Variants in DST observed in about 807,000 individuals in gnomAD.
The protein encoded by DST is bullous pemphigoid antigen.
DST carries 253 observed loss-of-function variants against 875.2 expected under a neutral mutation model. That is an observed-to-expected ratio of 0.29 (90% CI 0.26 to 0.32). DST has a LOEUF of 0.32. DST is among the 10% of genes least tolerant of loss of function. The pLI, the probability that DST is intolerant of heterozygous loss-of-function variation, is 1.00. For missense variants in DST, 8,287 were observed against 9,111.6 expected (o/e 0.91, Z 3.68); for synonymous variants, 3,124 against 3,197.1 (o/e 0.98, Z 0.77).
chr6:56,517,328 CA>C (rs758139511), intron 70 of DST, 23 bp from the exon 71 acceptor site: 11 of 1,599,386 alleles, frequency 6.9e-6, no homozygotes, highest in Admixed American at 6.8e-5. Flanking sequence ...AAAATAAAGA[CA>C]AAAAATAAAA....
In DST at chr6:56,634,279, C is replaced by T. The variant is rs774151131; in HGVS notation, c.3495-21G>A. 2.8e-5 allele frequency: 45 copies of T among 1,613,526 alleles called. No homozygotes were observed. In the Admixed American group the frequency reaches 7.5e-4, roughly 27 times the overall value. Reference sequence around the variant, plus strand: ...CAATTCTGAAATACATGAAAGAGAACTCAGATTAATGTTTTTACTCCCTCT... The same window carrying T: ...CAATTCTGAAATACATGAAAGAGAATTCAGATTAATGTTTTTACTCCCTCT... On this transcript the variant is annotated intron_variant, in intron 26 of 103. Transcript: ENST00000680361.
At chr6:56,602,517 C>G (rs2098455435) in intron 43 of DST, among the ~76,000 whole-genome samples, 1 of 151,972 alleles carries the variant, frequency 6.6e-6, no homozygotes. Flanking sequence ...CAGAATGTAA[C>G]TCCATCATTA....
chr6:56,899,556 T>C (rs1793038975), intron 3 of DST, among the ~76,000 whole-genome samples: 2 of 152,224 alleles, frequency 1.3e-5, no homozygotes, highest in African/African-American at 4.8e-5. Context: ...CAAATCTTGA[T>C]GGCTCCCCTA....
At chr6:56,765,472 C>T (rs1339808467) in intron 4 of DST, among the ~76,000 whole-genome samples, 1 of 152,166 alleles carries the variant, frequency 6.6e-6, no homozygotes, top group African/African-American at 2.4e-5. Context: ...GAATTCCAAT[C>T]AACCATAGTA....
chr6:56,806,145 C>T (rs1267107787), intron 4 of DST, among the ~76,000 whole-genome samples: 1 of 152,182 alleles, frequency 6.6e-6, no homozygotes, highest in Non-Finnish European at 1.5e-5. Context: ...CACATCTCAT[C>T]TTCTAAAAAG....
intron 9 of DST, chr6:56,693,479 T>A (rs1484821058): frequency 1.2e-6 from 1 of 856,136 alleles, no homozygotes; most frequent in Non-Finnish European, 1.4e-6. Context: ...TATGAGAAGA[T>A]TATGACTGTT....
intron 9 of DST, among the ~76,000 whole-genome samples, chr6:56,673,246 C>A (rs1348836792): frequency 2.0e-5 from 3 of 151,738 alleles, no homozygotes; most frequent in Non-Finnish European, 4.4e-5. Context: ...CCCTTAAAAT[C>A]AAAAACAAAA....
At chr6:56,644,605 C>T (rs1015960360) in intron 15 of DST, among the ~76,000 whole-genome samples, 1 of 152,088 alleles carries the variant, frequency 6.6e-6, no homozygotes, top group Admixed American at 6.6e-5. Flanking sequence ...AAAAATACAA[C>T]CAAGATAAGC....
chr6:56,555,808 A>G lies in DST; in HGVS notation c.14673T>C (p.Pro4891=), dbSNP rs762763402. ...ILLQEFATRK[P]QYEQLTAAGQ... is the part of the protein sequence containing the mutation. The stretch of plus-strand genomic sequence containing the variant: ...CAGCTGCTGTCAGCTGTTCATATTG[A>G]GGTTTCCGAGTGGCGAATTCTTGCA... Residue 4891 remains proline, a synonymous_variant, in exon 60 of 104, where the codon CCT becomes CCC. Transcript: ENST00000680361. The G allele has an allele frequency of 6.6e-7, 1 of 1,513,718 alleles. No individual in the cohort carries two copies. The highest frequency in any genetic ancestry group is 8.9e-7 in the Non-Finnish European group (1 of 1,129,896). 93.8% of individuals were successfully genotyped at this position (1,513,718 alleles called of 1,614,324 possible).
chr6:56,819,221 T>C (rs1194481480), intron 4 of DST, among the ~76,000 whole-genome samples: 1 of 152,188 alleles, frequency 6.6e-6, no homozygotes, highest in Admixed American at 6.5e-5. Flanking sequence ...ATATTTGAGC[T>C]CTGACACGGC....
At chr6:56,864,945 A>G (rs1203488630) in intron 3 of DST, among the ~76,000 whole-genome samples, 1 of 152,142 alleles carries the variant, frequency 6.6e-6, no homozygotes, top group Non-Finnish European at 1.5e-5. Flanking sequence ...TAATCAAACT[A>G]CCCATGGATG....
At chr6:56,477,194 A>G in intron 91 of DST, 151 bp downstream of exon 91, 1 of 802,836 alleles carries the variant, frequency 1.2e-6, no homozygotes, top group South Asian at 2.9e-5. Context: ...CAGAGATTGT[A>G]ATGCATACAA....
In DST at chr6:56,472,108, G is replaced by A. The variant is rs753316934; in HGVS notation, c.22109C>T (p.Ala7370Val). The A allele has an allele frequency of 6.8e-6, 11 of 1,613,872 alleles. No homozygotes were observed. Among genetic ancestry groups the A allele is most frequent in the Middle Eastern group, 1.6e-4 (1 of 6,062 alleles). ...ATTGAGTTTCCTCCTTCTTTCCAAC[G>A]CCAGGAGCCAGACTTGCTGCCATTT... Reference protein sequence around the residue: ...VSKWQQVWLLALERRRKLNDA... With the variant: ...VSKWQQVWLLVLERRRKLNDA... The change falls in exon 94 of 104, where the codon GCG (alanine) becomes GTG (valine). Residue 7370 changes from alanine to valine, a missense_variant. Ala to Val is a moderately conservative substitution (Grantham distance 64). Around this residue, in one of 10 missense-constraint regions of DST, gnomAD observed 1,292 missense variants for 1,552.7 expected, o/e 0.83. Coordinates refer to ENST00000680361, the MANE Select transcript of DST (RefSeq NM_001374736.1).
intron 5 of DST, among the ~76,000 whole-genome samples, chr6:56,731,145 G>T (rs981879525): frequency 6.6e-5 from 10 of 152,240 alleles, no homozygotes; most frequent in African/African-American, 2.4e-4. Flanking sequence ...AGCAGCAGTG[G>T]TTGAAGGCCA....
At position 56,618,550 on chromosome 6, in the gene DST, A is replaced by T. The variant is rs747304080; in HGVS notation, c.4930-4066T>A. On this transcript the variant is annotated intron_variant, in intron 36 of 103. Coordinates refer to ENST00000680361, the MANE Select transcript of DST (RefSeq NM_001374736.1). ...CTATCAGCTCATCCTCAAGTTTCTG[A>T]CATTTTTGGTAATGATTTGCTTCCA... 4.0e-5 allele frequency: 65 copies of T among 1,614,094 alleles called. No homozygotes were observed. The highest frequency in any genetic ancestry group is 5.5e-5 in the Non-Finnish European group (65 of 1,180,024).
At chr6:56,664,565 A>T (rs1006439119) in intron 10 of DST, among the ~76,000 whole-genome samples, 2 of 152,130 alleles carry the variant, frequency 1.3e-5, no homozygotes, top group African/African-American at 4.8e-5. Flanking sequence ...TCCCTTGCCT[A>T]TTGGCTCTTG....
At chr6:56,786,916 G>A (rs1441925344) in intron 4 of DST, among the ~76,000 whole-genome samples, 1 of 152,216 alleles carries the variant, frequency 6.6e-6, no homozygotes, top group South Asian at 2.1e-4. Flanking sequence ...TCCATCACCT[G>A]AATGTGGGCA....
intron 77 of DST, among the ~76,000 whole-genome samples, chr6:56,504,846 C>A (rs2096260770): frequency 6.6e-6 from 1 of 151,998 alleles, no homozygotes; most frequent in African/African-American, 2.4e-5. Flanking sequence ...TAGGCACATG[C>A]CACCATGGCT....
At chr6:56,467,468 T>C (rs571013915) in intron 98 of DST, 9 of 152,268 alleles carry the variant, frequency 5.9e-5, no homozygotes, top group African/African-American at 1.7e-4. Context: ...TCCTTAAACA[T>C]TGAGACTTAA....
Sources: gnomAD v4.1 joint callset for allele counts (sites outside exome capture counted in the v4.1 genomes callset) on GRCh38, gnomAD v4.1.1 for gene constraint, gnomAD v4.1.1 regional missense constraint, MANE v1.5 for transcripts, NCBI Gene and HGNC (gene_info 2026-07-23, HGNC 2026-07-21) for gene names.